The following ING2 variants were observed in gnomAD, a reference collection of about 807,000 sequenced individuals.
The protein encoded by ING2 is inhibitor of growth family member 2, also known as inhibitor of growth protein 2.
In ING2, 7 loss-of-function variants were observed where a neutral mutation model predicts 30.6. The ratio of observed to expected loss-of-function variants is 0.23; its 90% confidence interval spans 0.13 to 0.43. The LOEUF is 0.43. Ranked by LOEUF, ING2 falls within the 20% of genes least tolerant of loss-of-function variation. The pLI is 1.00. For synonymous variants in ING2, 136 were observed against 121.7 expected, an observed-to-expected ratio of 1.12 and a Z score of -0.78; for missense variants, 239 against 334.9, an observed-to-expected ratio of 0.71 and a Z score of 2.24.
At chr4:183,506,404 T>G (rs973106180) in intron 1 of ING2, 12 of 965,554 alleles carry the variant, frequency 1.2e-5, no homozygotes, top group African/African-American at 1.0e-4. Context: ...CCCGAGCCCC[T>G]CCTTCTCCGA....
At position 183,506,017 on chromosome 4, in the gene ING2, G is replaced by A. The variant is rs536404103; in HGVS notation, c.172+650G>A. 4.2e-5 allele frequency: 39 copies of A among 938,300 alleles called. No individual in the cohort carries two copies. In the South Asian group the frequency reaches 7.2e-4, roughly 17 times the overall value. The allele number at this position is 938,300 out of a possible 1,614,324, so 58.1% of individuals were successfully genotyped here. ...AGGGGTCCCCCGCGGGAGAGGAAGA[G>A]AGGGGCGTGTGTGGCGGGGAGGGCC... On this transcript the variant is annotated intron_variant, in intron 1 of 1. Coordinates refer to ENST00000302327, the MANE Select transcript of ING2 (RefSeq NM_001564.4).
At chr4:183,509,598 A>G (rs1453732260) in intron 1 of ING2, among the ~76,000 whole-genome samples, 2 of 151,438 alleles carry the variant, frequency 1.3e-5, no homozygotes, top group Non-Finnish European at 2.9e-5. Flanking sequence ...GGCGCCCGCC[A>G]CTGCGCCCGG....
At chr4:183,505,756 G>A (rs947139470) in intron 1 of ING2, among the ~76,000 whole-genome samples, 4 of 152,208 alleles carry the variant, frequency 2.6e-5, no homozygotes, top group Non-Finnish European at 5.9e-5. Context: ...GGCTCCCGCT[G>A]GTCTGCGGGG....
intron 1 of ING2, among the ~76,000 whole-genome samples, 185 bp downstream of exon 1, chr4:183,505,552 G>A (rs896794687): frequency 9.2e-5 from 14 of 151,978 alleles, no homozygotes; most frequent in African/African-American, 3.4e-4. Context: ...GTACTTCTCT[G>A]GGGTCCCCAG....
At position 183,505,239 on chromosome 4, in the gene ING2, T is replaced by G; in HGVS notation, c.44T>G (p.Leu15Arg). 3 of 1,599,276 alleles carry G rather than the reference T, an allele frequency of 1.9e-6. No individual in the cohort carries two copies. Among genetic ancestry groups the G allele is most frequent in the Non-Finnish European group, 2.6e-6 (3 of 1,174,040 alleles). ...CAGCAACTGTACTCGTCGGCCGCGCTCCTGACCGGGGAGCGGAGCCGGCTG... is the reference window on the plus strand; with the variant it reads ...CAGCAACTGTACTCGTCGGCCGCGCGCCTGACCGGGGAGCGGAGCCGGCTG... ...QQQQLYSSAA[L>R]LTGERSRLLT... Residue 15 changes from leucine to arginine, a missense_variant, in exon 1 of 2, where the codon CTC becomes CGC. By Grantham distance (102) the Leu-to-Arg change is moderately radical (BLOSUM62 -2). Coordinates refer to ENST00000302327, the MANE Select transcript of ING2 (RefSeq NM_001564.4).
At position 183,511,680 on chromosome 4, in the gene ING2, A is replaced by G. The variant is rs1486038400; in HGVS notation, c.*728A>G. The stretch of plus-strand genomic sequence containing the variant: ...GGTAAGAGTAGTTAGCATACCAAAA[A>G]TATACATTGGCTTACATTGGCAAAC... On this transcript the variant is annotated 3_prime_UTR_variant, in exon 2 of 2. Coordinates refer to ENST00000302327, the MANE Select transcript of ING2 (RefSeq NM_001564.4). 6.6e-6 allele frequency among the ~76,000 whole-genome samples: 1 copy of G among 152,216 alleles called. No homozygotes were observed. The highest frequency in any genetic ancestry group is 2.4e-5 in the African/African-American group (1 of 41,458).
chr4:183,506,776 G>A (rs1213866554), intron 1 of ING2, among the ~76,000 whole-genome samples: 1 of 147,690 alleles, frequency 6.8e-6, no homozygotes, highest in Non-Finnish European at 1.5e-5. Flanking sequence ...TCATAGGACT[G>A]ATCCGTGTTT....
Position 183,509,352 on chromosome 4 carries a change from T to G in ING2, c.173-930T>G, listed in dbSNP as rs140385749. Among the ~76,000 whole-genome samples the G allele has an allele frequency of 8.8e-4, 134 of 152,354 alleles. No individual in the cohort carries two copies. In the East Asian group the frequency reaches 0.023, roughly 26 times the overall value. On this transcript the variant is annotated intron_variant, in intron 1 of 1. Transcript: ENST00000302327. ...GCACATTTTATATATAGGGTTGTTT[T>G]GAAGGTGTTACAGTACTTAGTAGAC...
Position 183,509,738 on chromosome 4 carries a change from T to G in ING2, c.173-544T>G, listed in dbSNP as rs1180445996. Among the ~76,000 whole-genome samples, 7 of 147,352 alleles carry G rather than the reference T, an allele frequency of 4.8e-5. No homozygotes were observed. In the South Asian group the frequency reaches 1.5e-3, roughly 32 times the overall value. On this transcript the variant is annotated intron_variant, in intron 1 of 1. Transcript: ENST00000302327. ...GCGTGAGCCACCGCGCCTGGCCTTT[T>G]TTTTTTTTTTTTTGAGATGGAGTTT...
At chr4:183,509,206 T>C (rs1734755089) in intron 1 of ING2, among the ~76,000 whole-genome samples, 1 of 152,162 alleles carries the variant, frequency 6.6e-6, no homozygotes. Context: ...ATCTCCGGAG[T>C]CATGTCACAA....
rs747899153 is a variant in ING2 at position 183,510,969 on chromosome 4, T to A, written c.*17T>A. On this transcript the variant is annotated 3_prime_UTR_variant, in exon 2 of 2. Coordinates refer to ENST00000302327, the MANE Select transcript of ING2 (RefSeq NM_001564.4). ...TCGAGGTAGTAAAGGCCATCCACAT[T>A]TTAAAGGGTTATTTGTCTTTTATAT... 6.5e-7 allele frequency: 1 copy of A among 1,543,334 alleles called. No homozygotes were observed. The highest frequency in any genetic ancestry group is 8.7e-7 in the Non-Finnish European group (1 of 1,143,014).
chr4:183,505,727 C>T (rs1734620427), intron 1 of ING2, among the ~76,000 whole-genome samples: 1 of 127,444 alleles, frequency 7.8e-6, no homozygotes, highest in Non-Finnish European at 1.8e-5. Context: ...GGGCAAGGGT[C>T]GGAGGGAGTG....
At chr4:183,507,477 G>A (rs964598546) in intron 1 of ING2, among the ~76,000 whole-genome samples, 22 of 152,206 alleles carry the variant, frequency 1.4e-4, no homozygotes, top group Admixed American at 1.4e-3. Flanking sequence ...GTTGGTGAGG[G>A]ATACTATAAT....
At chr4:183,508,124 A>G (rs1237384388) in intron 1 of ING2, among the ~76,000 whole-genome samples, 1 of 151,892 alleles carries the variant, frequency 6.6e-6, no homozygotes, top group Non-Finnish European at 1.5e-5. Context: ...TTTTTTTCAC[A>G]AGCAGAAGTG....
chr4:183,506,274 A>G (rs1196744831), intron 1 of ING2: 1 of 1,304,306 alleles, frequency 7.7e-7, no homozygotes. Context: ...TCAATGGATC[A>G]GGACGGCGAT....
At chr4:183,506,697 C>A (rs1348922976) in intron 1 of ING2, among the ~76,000 whole-genome samples, 1 of 147,104 alleles carries the variant, frequency 6.8e-6, no homozygotes, top group Non-Finnish European at 1.5e-5. Context: ...GAATCCACTT[C>A]TTGGGTGACA....
chr4:183,510,943 A>G lies in ING2; in HGVS notation c.834A>G (p.Arg278=). 1 of 1,590,298 alleles carries G rather than the reference A, an allele frequency of 6.3e-7. No individual in the cohort carries two copies. The highest frequency in any genetic ancestry group is 8.6e-7 in the Non-Finnish European group (1 of 1,165,134). ...CTGAAAAGACAAAAAAGGATAGAAG[A>G]TCGAGGTAGTAAAGGCCATCCACAT... is the stretch of plus-strand genomic sequence containing the variant. ...KSTEKTKKDR[R]SR The change falls in exon 2 of 2, where the codon AGA becomes AGG. Residue 278 remains arginine (R), a synonymous_variant. Coordinates refer to ENST00000302327, the MANE Select transcript of ING2 (RefSeq NM_001564.4).
In ING2 at chr4:183,510,977, G is replaced by T. The variant is rs1310294259; in HGVS notation, c.*25G>T. Reference sequence around the variant, plus strand: ...GTAAAGGCCATCCACATTTTAAAGGGTTATTTGTCTTTTATATAATTCGTT... The same window carrying T: ...GTAAAGGCCATCCACATTTTAAAGGTTTATTTGTCTTTTATATAATTCGTT... On this transcript the variant is annotated 3_prime_UTR_variant, in exon 2 of 2. Transcript: ENST00000302327. 1.3e-6 allele frequency: 2 copies of T among 1,525,470 alleles called. No homozygotes were observed. The highest frequency in any genetic ancestry group is 2.3e-5 in the East Asian group (1 of 43,080). 94.5% of individuals were successfully genotyped at this position (1,525,470 alleles called of 1,614,324 possible).
intron 1 of ING2, chr4:183,506,142 G>T: frequency 4.0e-6 from 5 of 1,253,616 alleles, no homozygotes; most frequent in Non-Finnish European, 4.2e-6. Context: ...CGAGAGGGGC[G>T]GTGGCGAGCT....
Sources: gnomAD v4.1 joint callset for allele counts (sites outside exome capture counted in the v4.1 genomes callset) on GRCh38, gnomAD v4.1.1 for gene constraint, MANE v1.5 for transcripts, NCBI Gene and HGNC (gene_info 2026-07-23, HGNC 2026-07-21) for gene names.